The following PIP4K2A variants were observed in gnomAD, a reference collection of about 807,000 sequenced individuals.
PIP4K2A encodes phosphatidylinositol-5-phosphate 4-kinase type 2 alpha.
PIP4K2A carries 14 observed loss-of-function variants against 42.9 expected under a neutral mutation model. That is an observed-to-expected ratio of 0.33 (90% CI 0.22 to 0.51). PIP4K2A has a LOEUF of 0.51. PIP4K2A is among the 20% of genes least tolerant of loss of function. PIP4K2A has a pLI of 0.97. For missense variants in PIP4K2A, 434 were observed against 519.8 expected (o/e 0.83, Z 1.61); for synonymous variants, 192 against 192.2 (o/e 1.00, Z 0.01).
chr10:22,646,901 T>G (rs367637099), intron 1 of PIP4K2A, among the ~76,000 whole-genome samples: 3 of 151,770 alleles, frequency 2.0e-5, no homozygotes, highest in East Asian at 1.9e-4. Flanking sequence ...AATGCTTCCT[T>G]CAGCAAAAAC....
chr10:22,590,994 C>T (rs748483825), intron 4 of PIP4K2A, among the ~76,000 whole-genome samples: 3 of 152,210 alleles, frequency 2.0e-5, no homozygotes, highest in Non-Finnish European at 4.4e-5. Flanking sequence ...TCTCACAGCG[C>T]GGGCTGGGCC....
At chr10:22,644,160 C>T (rs954097879) in intron 1 of PIP4K2A, among the ~76,000 whole-genome samples, 2 of 152,212 alleles carry the variant, frequency 1.3e-5, no homozygotes, top group South Asian at 2.1e-4. Context: ...GCCAGTGGGA[C>T]CTCCACGCAC....
At chr10:22,695,445 A>T (rs1392049327) in intron 1 of PIP4K2A, among the ~76,000 whole-genome samples, 1 of 152,236 alleles carries the variant, frequency 6.6e-6, no homozygotes, top group African/African-American at 2.4e-5. Flanking sequence ...ACAAAAAGTG[A>T]CAACTTTTAG....
chr10:22,664,035 A>G (rs1839259986), intron 1 of PIP4K2A, among the ~76,000 whole-genome samples: 1 of 106,230 alleles, frequency 9.4e-6, no homozygotes, highest in African/African-American at 5.8e-5. Context: ...ATATATACAT[A>G]TATATATATA....
At chr10:22,574,638 T>A (rs567332506) in intron 4 of PIP4K2A, among the ~76,000 whole-genome samples, 2 of 152,322 alleles carry the variant, frequency 1.3e-5, no homozygotes, top group African/African-American at 4.8e-5. Context: ...TTTTGCCATC[T>A]AGAGTTTTGG....
intron 6 of PIP4K2A, among the ~76,000 whole-genome samples, chr10:22,563,927 A>T (rs1836771978): frequency 6.6e-6 from 1 of 152,080 alleles, no homozygotes; most frequent in African/African-American, 2.4e-5. Flanking sequence ...CCTACCCCCT[A>T]GGGAGATGTT....
chr10:22,555,951 G>A (rs533650669), intron 6 of PIP4K2A, among the ~76,000 whole-genome samples: 8 of 151,818 alleles, frequency 5.3e-5, no homozygotes, highest in South Asian at 2.1e-4. Flanking sequence ...GAAAGTTTAC[G>A]GATTTGTACT....
intron 7 of PIP4K2A, among the ~76,000 whole-genome samples, chr10:22,545,458 C>T (rs1209771217): frequency 1.3e-5 from 2 of 152,254 alleles, no homozygotes; most frequent in Non-Finnish European, 2.9e-5. Context: ...CTCCAGGGCC[C>T]AGCCTCCCCT....
At chr10:22,664,063 A>ATATATATATATACGTATATATATATACG (rs1839265850) in intron 1 of PIP4K2A, among the ~76,000 whole-genome samples, 1 of 79,178 alleles carries the variant, frequency 1.3e-5, no homozygotes, top group South Asian at 2.9e-4. Flanking sequence ...GTATATATAC[A>ATATATATATATACGTATATATATATACG]TATATATATA....
intron 3 of PIP4K2A, among the ~76,000 whole-genome samples, chr10:22,597,368 C>T (rs1218055401): frequency 6.6e-6 from 1 of 152,172 alleles, no homozygotes; most frequent in African/African-American, 2.4e-5. Flanking sequence ...GTGACGATGT[C>T]AACCCTAAGA....
chr10:22,684,510 A>C (rs1039252838), intron 1 of PIP4K2A, among the ~76,000 whole-genome samples: 5 of 152,146 alleles, frequency 3.3e-5, no homozygotes, highest in African/African-American at 1.2e-4. Context: ...TATGTTCATA[A>C]TTTTTAAAAA....
chr10:22,660,250 T>C (rs1003036948), intron 1 of PIP4K2A, among the ~76,000 whole-genome samples: 4 of 152,110 alleles, frequency 2.6e-5, no homozygotes, highest in African/African-American at 9.7e-5. Flanking sequence ...GCGGGCGGAT[T>C]GCCTGAGCTC....
intron 1 of PIP4K2A, among the ~76,000 whole-genome samples, chr10:22,671,328 A>AC (rs1225363948): frequency 6.6e-6 from 1 of 152,232 alleles, no homozygotes; most frequent in Non-Finnish European, 1.5e-5. Flanking sequence ...AGCCTAAACT[A>AC]CTAGTCTCTT....
rs746085957 is a variant in PIP4K2A, at chr10:22,536,965, C to CAA, written c.*235_*236insTT. 4.2e-6 allele frequency: 1 copy of CAA among 240,070 alleles called. No individual in the cohort carries two copies. The highest frequency in any genetic ancestry group is 1.2e-4 in the African/African-American group (1 of 8,558). 14.9% of individuals were successfully genotyped at this position (240,070 alleles called of 1,614,324 possible). ...CACGCGCGCACACACTCACCCCCCCCCAACACACACACACACACATATACA... is the reference window on the plus strand; with the variant it reads ...CACGCGCGCACACACTCACCCCCCCCAACAACACACACACACACACATATACA... On this transcript the variant is annotated 3_prime_UTR_variant, in exon 10 of 10. Coordinates refer to ENST00000376573, the MANE Select transcript of PIP4K2A (RefSeq NM_005028.5).
At chr10:22,694,977 T>G (rs1839940972) in intron 1 of PIP4K2A, among the ~76,000 whole-genome samples, 1 of 152,190 alleles carries the variant, frequency 6.6e-6, no homozygotes, top group Non-Finnish European at 1.5e-5. Context: ...GAAAGCACAG[T>G]CAACAATGCA....
intron 5 of PIP4K2A, 91 bp from the exon 6 acceptor site, chr10:22,567,980 G>A (rs960107476): frequency 2.6e-6 from 3 of 1,165,682 alleles, no homozygotes; most frequent in African/African-American, 1.5e-5. Context: ...GCGGAGCAGA[G>A]AGCCAGCTCA....
intron 1 of PIP4K2A, among the ~76,000 whole-genome samples, chr10:22,664,055 ATATATACATATATATATATACG>A (rs1317521361): frequency 9.4e-5 from 8 of 84,816 alleles, no homozygotes; most frequent in African/African-American, 5.3e-4. Context: ...ATACATATGT[ATATATACATATATATATATACG>A]TATATATATA....
At chr10:22,647,939 A>T (rs886498643) in intron 1 of PIP4K2A, among the ~76,000 whole-genome samples, 4 of 152,258 alleles carry the variant, frequency 2.6e-5, no homozygotes, top group African/African-American at 7.2e-5. Flanking sequence ...AAAAGCATTT[A>T]GAAGATAAAA....
At chr10:22,646,295 T>C (rs1838879818) in intron 1 of PIP4K2A, 1 of 152,208 alleles carries the variant, frequency 6.6e-6, no homozygotes, top group South Asian at 2.1e-4. Flanking sequence ...ACAAGAGGAA[T>C]AGAGAAAGGG....
Sources: allele counts gnomAD v4.1 joint callset (sites outside exome capture counted in the v4.1 genomes callset), GRCh38; gene constraint gnomAD v4.1.1; transcripts MANE v1.5; gene names NCBI Gene and HGNC (gene_info 2026-07-23, HGNC 2026-07-21).